KHDRBS2: variants seen among roughly 807,000 people sequenced by gnomAD.
KHDRBS2 encodes KH RNA binding domain containing, signal transduction associated 2.
Under a neutral mutation model 44.3 loss-of-function variants are expected in KHDRBS2, and 26 were observed. The observed-to-expected ratio is 0.59, with a 90% CI of 0.43 to 0.81. KHDRBS2 has a LOEUF of 0.81. Among genes scored for constraint, KHDRBS2 ranks in the 40% least tolerant of loss-of-function variants. The pLI, the probability that KHDRBS2 is intolerant of heterozygous loss-of-function variation, is 0.00. For missense variants in KHDRBS2, 476 were observed against 433.1 expected (o/e 1.10, Z -0.88); for synonymous variants, 194 against 151.1 (o/e 1.28, Z -2.08).
At chr6:61,695,786 G>A (rs1174840341) in intron 8 of KHDRBS2, among the ~76,000 whole-genome samples, 1 of 152,028 alleles carries the variant, frequency 6.6e-6, no homozygotes, top group African/African-American at 2.4e-5. Flanking sequence ...TTCTGGGCTT[G>A]GCCTTGTGTT....
At chr6:62,091,258 G>T (rs921667611) in intron 2 of KHDRBS2, among the ~76,000 whole-genome samples, 2 of 144,760 alleles carry the variant, frequency 1.4e-5, no homozygotes, top group African/African-American at 2.6e-5. Context: ...ACATGTAGCT[G>T]CTAATATAAT....
chr6:62,181,659 T>C (rs1164945665), intron 1 of KHDRBS2, among the ~76,000 whole-genome samples: 5 of 152,140 alleles, frequency 3.3e-5, no homozygotes, highest in African/African-American at 4.8e-5. Context: ...ACCTACCATA[T>C]GACCTAGTTG....
intron 2 of KHDRBS2, among the ~76,000 whole-genome samples, chr6:62,167,392 A>C (rs1036874485): frequency 6.6e-5 from 10 of 152,132 alleles, no homozygotes; most frequent in Non-Finnish European, 1.5e-4. Flanking sequence ...GAAAAATAAT[A>C]TTTGAAGTAC....
Position 61,720,415 on chromosome 6 carries a change from T to A in KHDRBS2, c.893+12267A>T, listed in dbSNP as rs956443261. Among the ~76,000 whole-genome samples, 391 of 152,226 alleles carry A rather than the reference T, an allele frequency of 2.6e-3. 1 individual carries two copies. Among genetic ancestry groups the A allele is most frequent in the Non-Finnish European group, 4.5e-3 (308 of 68,018 alleles). On this transcript the variant is annotated intron_variant, in intron 7 of 8. Coordinates refer to ENST00000281156, the MANE Select transcript of KHDRBS2 (RefSeq NM_152688.4). ...ACCAACAGTGTAAAAGTGTTCCTAT[T>A]TCTCCACATCCTCTCCAGCACCTGT...
At chr6:61,671,249 T>C in the KHDRBS2 span, among the ~76,000 whole-genome samples, 1 of 151,648 alleles carries the variant, frequency 6.6e-6, no homozygotes, top group South Asian at 2.1e-4. Flanking sequence ...TCCAATTTTC[T>C]CCTGGGTATA....
the KHDRBS2 span, among the ~76,000 whole-genome samples, chr6:61,628,958 T>A: frequency 3.3e-5 from 5 of 152,324 alleles, no homozygotes; most frequent in South Asian, 6.2e-4. Context: ...GACTGTCTAA[T>A]TAGTACAGTC....
At chr6:62,066,999 A>C (rs574342967) in intron 2 of KHDRBS2, among the ~76,000 whole-genome samples, 1 of 151,728 alleles carries the variant, frequency 6.6e-6, no homozygotes, top group African/African-American at 2.4e-5. Flanking sequence ...GGAGTAAATT[A>C]AAAAGTTAAT....
intron 2 of KHDRBS2, among the ~76,000 whole-genome samples, chr6:62,166,943 T>C (rs945094233): frequency 2.6e-5 from 4 of 151,966 alleles, no homozygotes; most frequent in African/African-American, 9.7e-5. Context: ...AAATGAAGAA[T>C]GGCAGGATTG....
chr6:61,868,427 C>T (rs746688114), intron 6 of KHDRBS2, among the ~76,000 whole-genome samples: 16 of 152,086 alleles, frequency 1.1e-4, no homozygotes, highest in South Asian at 1.0e-3. Context: ...TGGGAGATCC[C>T]GGCCAGTGAG....
At chr6:61,761,938 T>A (rs925259699) in intron 6 of KHDRBS2, among the ~76,000 whole-genome samples, 2 of 152,174 alleles carry the variant, frequency 1.3e-5, no homozygotes, top group African/African-American at 4.8e-5. Flanking sequence ...AGTTCAGCTA[T>A]AATAAATAAT....
chr6:61,628,600 A>C, the KHDRBS2 span, among the ~76,000 whole-genome samples: 1 of 152,078 alleles, frequency 6.6e-6, no homozygotes, highest in Non-Finnish European at 1.5e-5. Flanking sequence ...CTCTCCACTG[A>C]CCAAACAGTG....
chr6:62,232,404 T>C (rs1833030620), intron 1 of KHDRBS2, among the ~76,000 whole-genome samples: 2 of 152,156 alleles, frequency 1.3e-5, no homozygotes. Context: ...CCTAATCCCA[T>C]TGTGTATAGA....
rs112639736 is a variant in KHDRBS2 at position 61,835,381 on chromosome 6, T to C, written c.810+59254A>G. Among the ~76,000 whole-genome samples the C allele has an allele frequency of 9.1e-3, 1,383 of 152,144 alleles. 10 individuals carry two copies. The highest frequency in any genetic ancestry group is 0.017 in the Middle Eastern group (5 of 294). Reference sequence around the variant, plus strand: ...TAAGTGTCAGAGGGTCTTTTACTAATCAGTTGTGTTGTGTGATCCCTGGAT... The same window carrying C: ...TAAGTGTCAGAGGGTCTTTTACTAACCAGTTGTGTTGTGTGATCCCTGGAT... On this transcript the variant is annotated intron_variant, in intron 6 of 8. Transcript: ENST00000281156.
intron 1 of KHDRBS2, among the ~76,000 whole-genome samples, chr6:62,239,151 ATAT>A (rs1339499932): frequency 1.3e-5 from 2 of 152,226 alleles, no homozygotes; most frequent in African/African-American, 4.8e-5. Context: ...TATCATAGTG[ATAT>A]TGTTGTATAT....
chr6:61,955,217 T>G (rs140089485), intron 4 of KHDRBS2, among the ~76,000 whole-genome samples: 2 of 139,418 alleles, frequency 1.4e-5, no homozygotes, highest in South Asian at 2.2e-4. Context: ...TGTATACATA[T>G]GTGTATATAT....
chr6:61,728,966 C>T (rs1467246430), intron 7 of KHDRBS2, among the ~76,000 whole-genome samples: 1 of 152,134 alleles, frequency 6.6e-6, no homozygotes, highest in African/African-American at 2.4e-5. Flanking sequence ...ACCCAACAAT[C>T]CCATTATTGG....
intron 6 of KHDRBS2, among the ~76,000 whole-genome samples, chr6:61,743,932 A>G (rs1776517861): frequency 1.3e-5 from 2 of 151,966 alleles, no homozygotes; most frequent in Admixed American, 1.3e-4. Context: ...TTCCAGTTTC[A>G]TCCATGTCCC....
At chr6:61,871,182 A>G (rs1798604770) in intron 6 of KHDRBS2, among the ~76,000 whole-genome samples, 2 of 152,238 alleles carry the variant, frequency 1.3e-5, no homozygotes. Context: ...ATGGAGCTGA[A>G]AAACCAGCAT....
chr6:62,241,356 T>C (rs2150167650), intron 1 of KHDRBS2, among the ~76,000 whole-genome samples: 1 of 152,270 alleles, frequency 6.6e-6, no homozygotes, highest in East Asian at 1.9e-4. Flanking sequence ...TGATAAAAGA[T>C]ACAAGGTCAT....
Sources: allele counts gnomAD v4.1 joint callset (sites outside exome capture counted in the v4.1 genomes callset), GRCh38; gene constraint gnomAD v4.1.1; transcripts MANE v1.5; gene names NCBI Gene and HGNC (gene_info 2026-07-23, HGNC 2026-07-21).